Variants in SYCP2 observed in about 807,000 individuals in gnomAD.
The protein encoded by SYCP2 is synaptonemal complex protein 2.
In SYCP2, 55 loss-of-function variants were observed where a neutral mutation model predicts 211.3. The ratio of observed to expected loss-of-function variants is 0.26; its 90% confidence interval spans 0.21 to 0.33. The LOEUF (loss-of-function observed/expected upper bound fraction) is 0.33, where lower values mean the gene tolerates loss of function less well. Ranked by LOEUF, SYCP2 falls within the 10% of genes least tolerant of loss-of-function variation. The pLI is 1.00. For missense variants in SYCP2, 1,731 were observed against 1,752.0 expected (o/e 0.99, Z 0.21); for synonymous variants, 570 against 555.2 (o/e 1.03, Z -0.37).
At chr20:59,889,280 A>C (rs890606805) in intron 24 of SYCP2, among the ~76,000 whole-genome samples, 4 of 152,010 alleles carry the variant, frequency 2.6e-5, no homozygotes, top group African/African-American at 9.7e-5. Flanking sequence ...AATTCTACCA[A>C]ATGTACCACA....
In SYCP2 at chr20:59,864,806, A is replaced by G. The variant is rs539960836; in HGVS notation, c.4516-418T>C. On this transcript the variant is annotated intron_variant, in intron 44 of 44. Coordinates refer to ENST00000357552, the MANE Select transcript of SYCP2 (RefSeq NM_014258.4). The stretch of plus-strand genomic sequence containing the variant: ...TCTATCTTTGTAAGTACATTAATAT[A>G]CTGTGTATACAAAGATCAGTGTACT... Among the ~76,000 whole-genome samples, 17 of 152,158 alleles carry G rather than the reference A, an allele frequency of 1.1e-4. No homozygotes were observed. In the South Asian group the frequency reaches 2.7e-3, roughly 24 times the overall value.
At chr20:59,921,192 T>C (rs1334700192) in intron 4 of SYCP2, 118 bp downstream of exon 4, 3 of 725,124 alleles carry the variant, frequency 4.1e-6, no homozygotes, top group Non-Finnish European at 6.4e-6. Flanking sequence ...CATTTATTTA[T>C]ATAATTATGA....
At position 59,904,780 on chromosome 20, in the gene SYCP2, A is replaced by G. The variant is rs138970313; in HGVS notation, c.1033+2584T>C. ...TGGCTCATAGTTCTGCAGGCTGTACAGGAAGCATGGTGCCAGTATTTGCCT... is the reference window on the plus strand; with the variant it reads ...TGGCTCATAGTTCTGCAGGCTGTACGGGAAGCATGGTGCCAGTATTTGCCT... On this transcript the variant is annotated intron_variant, in intron 15 of 44. Transcript: ENST00000357552. Among the ~76,000 whole-genome samples the G allele has an allele frequency of 2.2e-4, 34 of 152,296 alleles. 1 individual carries two copies. The East Asian group carries it at 6.6e-3, about 29-fold the overall frequency.
At chr20:59,914,080 C>T (rs747474510) in intron 11 of SYCP2, 29 bp downstream of exon 11, 19 of 1,574,712 alleles carry the variant, frequency 1.2e-5, no homozygotes, top group African/African-American at 8.2e-5. Flanking sequence ...TAAAAATTCA[C>T]GAATTTCTGT....
Position 59,914,221 on chromosome 20 carries a change from G to C in SYCP2, c.665C>G (p.Ala222Gly). The change falls in exon 11 of 45, where the codon GCT becomes GGT. Residue 222 changes from alanine to glycine, a missense_variant. Ala to Gly is a moderately conservative substitution (Grantham distance 60). This residue lies in a region of SYCP2 where 335 missense variants were observed against 378.8 expected (regional missense o/e 0.88). Coordinates refer to ENST00000357552, the MANE Select transcript of SYCP2 (RefSeq NM_014258.4). ...TTTTTCTGTGGTCATTCTACACAAA[G>C]CTTCTACAATGCCTACCTGTAAGTC... is the stretch of plus-strand genomic sequence containing the variant. The part of the protein sequence containing the change: ...DYDLQVGIVE[A>G]LCRMTTEKQR... 1 of 1,595,714 alleles carries C rather than the reference G, an allele frequency of 6.3e-7. No homozygotes were observed. The highest frequency in any genetic ancestry group is 8.6e-7 in the Non-Finnish European group (1 of 1,167,562).
At chr20:59,916,988 C>A (rs1175221132) in intron 7 of SYCP2, among the ~76,000 whole-genome samples, 1 of 152,150 alleles carries the variant, frequency 6.6e-6, no homozygotes, top group Non-Finnish European at 1.5e-5. Context: ...CCCACCAGGG[C>A]TTGGGGATGA....
rs535604099 is a variant in SYCP2, at chr20:59,894,099, A to AT, written c.1666-507dup. On this transcript the variant is annotated intron_variant, in intron 20 of 44. Transcript: ENST00000357552. ...CTTCTTTCCTACAGCAAGCTTCCCT[A>AT]TTTCCATAGCCAAAGATAACACTTA... Among the ~76,000 whole-genome samples, 9 of 152,178 alleles carry AT rather than the reference A, an allele frequency of 5.9e-5. No individual in the cohort carries two copies. In the South Asian group the frequency reaches 1.9e-3, roughly 32 times the overall value.
chr20:59,921,004 A>T (rs1229539450), intron 4 of SYCP2, among the ~76,000 whole-genome samples: 1 of 151,658 alleles, frequency 6.6e-6, no homozygotes, highest in Non-Finnish European at 1.5e-5. Flanking sequence ...TTTTTTTAAA[A>T]ATCTATGAAC....
At chr20:59,890,444 T>C (rs138111292) in intron 24 of SYCP2, among the ~76,000 whole-genome samples, 1 of 152,096 alleles carries the variant, frequency 6.6e-6, no homozygotes. Context: ...AAATACCTAA[T>C]GTAGATGATG....
Position 59,893,598 on chromosome 20 carries a change from A to C in SYCP2, c.1666-5T>G, listed in dbSNP as rs1441662883. On this transcript the variant is annotated splice_polypyrimidine_tract_variant and splice_region_variant and intron_variant, in intron 20 of 44. Transcript: ENST00000357552. ...ACACTTAGCAGTTTTGATATGCTGT[A>C]AACACAGGAAACAGGTTAACGTAAA... The C allele has an allele frequency of 4.4e-6, 7 of 1,599,108 alleles. No homozygotes were observed. In the East Asian group the frequency reaches 1.6e-4, roughly 36 times the overall value.
chr20:59,920,306 A>G (rs1232475143), intron 5 of SYCP2, 53 bp downstream of exon 5: 6 of 1,415,054 alleles, frequency 4.2e-6, no homozygotes, highest in African/African-American at 1.4e-5. Context: ...ACTAGAAAGC[A>G]TATCTTTTAT....
intron 15 of SYCP2, among the ~76,000 whole-genome samples, chr20:59,905,524 T>C (rs2060197792): frequency 1.3e-5 from 2 of 152,156 alleles, no homozygotes; most frequent in Non-Finnish European, 2.9e-5. Flanking sequence ...TGCTACGTAC[T>C]GTATGATTCC....
intron 2 of SYCP2, among the ~76,000 whole-genome samples, chr20:59,923,895 G>A (rs1427620691): frequency 1.3e-5 from 2 of 151,820 alleles, no homozygotes; most frequent in Non-Finnish European, 2.9e-5. Context: ...AAAGTAAGGT[G>A]ATAGATTAAA....
chr20:59,889,613 A>G (rs78346518), intron 24 of SYCP2, among the ~76,000 whole-genome samples: 49 of 152,136 alleles, frequency 3.2e-4, no homozygotes, highest in African/African-American at 1.2e-3. Context: ...TTTTAAGTCC[A>G]TATGTTCTTA....
Position 59,886,793 on chromosome 20 carries a change from T to C in SYCP2, c.2406A>G (p.Glu802=). 1 of 1,591,274 alleles carries C rather than the reference T, an allele frequency of 6.3e-7. No individual in the cohort carries two copies. Among genetic ancestry groups the C allele is most frequent in the Admixed American group, 1.8e-5 (1 of 54,850 alleles). The change falls in exon 25 of 45, where the codon GAA becomes GAG. Residue 802 remains glutamate, a synonymous_variant. Coordinates refer to ENST00000357552, the MANE Select transcript of SYCP2 (RefSeq NM_014258.4). ...SKGKEFTNVA[E]SLISQINKRY... ...TTTTATTGATTTGGCTTATCAAGGA[T>C]TCTGCTACATTGGTAAATTCTTTCC...
At chr20:59,930,954 A>C (rs6027201) in intron 2 of SYCP2, among the ~76,000 whole-genome samples, 5 of 152,358 alleles carry the variant, frequency 3.3e-5, no homozygotes, top group African/African-American at 1.2e-4. Flanking sequence ...ATAGTAAATA[A>C]GTAAAAGTCT....
intron 42 of SYCP2, 42 bp downstream of exon 42, chr20:59,865,765 T>C (rs890806631): frequency 8.6e-7 from 1 of 1,160,444 alleles, no homozygotes; most frequent in Non-Finnish European, 1.1e-6. Flanking sequence ...AATTTAAAAA[T>C]CTAATTTTAT....
chr20:59,865,224 C>T (rs1268437732), intron 44 of SYCP2, among the ~76,000 whole-genome samples, 164 bp downstream of exon 44: 1 of 151,956 alleles, frequency 6.6e-6, no homozygotes, highest in Non-Finnish European at 1.5e-5. Context: ...TATTCTTTCA[C>T]TATAAATATG....
chr20:59,924,659 T>C (rs2060600739), intron 2 of SYCP2, among the ~76,000 whole-genome samples: 1 of 151,928 alleles, frequency 6.6e-6, no homozygotes, highest in Non-Finnish European at 1.5e-5. Flanking sequence ...TTTAAAACTA[T>C]ATGCTGTCCA....
Sources: allele counts gnomAD v4.1 joint callset (sites outside exome capture counted in the v4.1 genomes callset), GRCh38; gene constraint gnomAD v4.1.1; regional missense constraint gnomAD v4.1.1; transcripts MANE v1.5; gene names NCBI Gene and HGNC (gene_info 2026-07-23, HGNC 2026-07-21).